The following HUWE1 variants were observed in gnomAD, a reference collection of about 807,000 sequenced individuals.
The protein encoded by HUWE1 is E3 ubiquitin-protein ligase HUWE1.
In HUWE1, 18 loss-of-function variants were observed where a neutral mutation model predicts 299.4. The observed-to-expected ratio is 0.06, with a 90% CI of 0.04 to 0.09. The LOEUF (loss-of-function observed/expected upper bound fraction) is 0.09, where lower values mean the gene tolerates loss of function less well. Ranked by LOEUF, HUWE1 falls within the 10% of genes least tolerant of loss-of-function variation. The pLI, the probability that HUWE1 is intolerant of heterozygous loss-of-function variation, is 1.00. For synonymous variants in HUWE1, 1,317 were observed against 1,286.1 expected, an observed-to-expected ratio of 1.02 and a Z score of -0.51; for missense variants, 1,832 against 3,462.3, an observed-to-expected ratio of 0.53 and a Z score of 11.82.
intron 4 of HUWE1, among the ~76,000 whole-genome samples, chrX:53,651,418 A>AC (rs782252548): frequency 1.3e-3 from 148 of 110,874 alleles, no homozygotes; most frequent in African/African-American, 4.4e-3. Flanking sequence ...TGATTCTAGG[A>AC]CCCCCATGAA....
intron 7 of HUWE1, among the ~76,000 whole-genome samples, chrX:53,640,562 C>G (rs1175034200): frequency 8.9e-6 from 1 of 111,740 alleles, no homozygotes; most frequent in Non-Finnish European, 1.9e-5. Flanking sequence ...ACACATCAAT[C>G]TATTACCAAA....
Position 53,551,289 on chromosome X carries a change from G to A in HUWE1, c.9073C>T (p.Leu3025=), listed in dbSNP as rs782677006. Residue 3025 remains leucine, a synonymous_variant, in exon 64 of 84, where the codon CTG becomes TTG. Transcript: ENST00000262854. The part of the protein sequence containing the change: ...TEVSPEFLAA[L]PPAIQEEVLA... The stretch of plus-strand genomic sequence containing the variant: ...ACTTCCTCCTGAATGGCTGGAGGCA[G>A]GGCAGCCAGAAACTCAGGGCTCACT... The A allele has an allele frequency of 8.3e-6, 10 of 1,210,792 alleles. No individual in the cohort carries two copies. The Admixed American group carries it at 8.7e-5, about 11-fold the overall frequency.
chrX:53,539,131 A>G (rs1221308116), intron 75 of HUWE1, 51 bp from the exon 76 acceptor site: 4 of 1,130,804 alleles, frequency 3.5e-6, no homozygotes, highest in African/African-American at 1.8e-5. Context: ...AAACTTCAAC[A>G]TGCAAACCTC....
chrX:53,590,362 T>C (rs1556977669), intron 35 of HUWE1, 42 bp downstream of exon 35: 1 of 848,953 alleles, frequency 1.2e-6, no homozygotes, highest in South Asian at 2.0e-5. Flanking sequence ...AATACTAAGA[T>C]TCATGTGCCA....
intron 49 of HUWE1, among the ~76,000 whole-genome samples, chrX:53,567,211 A>G (rs782817236): frequency 1.7e-4 from 19 of 111,985 alleles, no homozygotes; most frequent in Non-Finnish European, 3.2e-4. Context: ...AAAGGACAGG[A>G]AGGGAAGAAA....
chrX:53,674,124 T>G, intron 3 of HUWE1, among the ~76,000 whole-genome samples: 1 of 111,883 alleles, frequency 8.9e-6, no homozygotes, highest in Non-Finnish European at 1.9e-5. Context: ...TTATTTAAAT[T>G]TGCATTTCTG....
intron 4 of HUWE1, among the ~76,000 whole-genome samples, chrX:53,652,849 G>T (rs888932936): frequency 1.8e-5 from 2 of 112,580 alleles, no homozygotes; most frequent in Non-Finnish European, 3.7e-5. Flanking sequence ...ACTGACAAGG[G>T]TATATGAAGA....
Position 53,686,703 on chromosome X carries a change from C to CCTGCTCCCT in HUWE1, c.-378_-377insAGGGAGCAG. ...CCAGCCCTGCTCCAGCCCTGCTCCC[C>CCTGCTCCCT]TCGCTAGCCCTCAGTCGAAAGCCTC... is the stretch of plus-strand genomic sequence containing the variant. On this transcript the variant is annotated 5_prime_UTR_variant, in exon 1 of 84. Transcript: ENST00000262854. 1 of 73,035 alleles carries CCTGCTCCCT rather than the reference C, an allele frequency of 1.4e-5. No individual in the cohort carries two copies. The highest frequency in any genetic ancestry group is 3.4e-5 in the Non-Finnish European group (1 of 29,845). The allele number at this position is 73,035 out of a possible 1,213,427, so 6.0% of individuals were successfully genotyped here.
intron 42 of HUWE1, among the ~76,000 whole-genome samples, chrX:53,583,023 T>C (rs2063696966): frequency 8.9e-6 from 1 of 112,502 alleles, no homozygotes; most frequent in South Asian, 3.6e-4. Flanking sequence ...TACGTTGCTA[T>C]TTCTTCCACT....
At chrX:53,615,095 C>T (rs142702818) in intron 22 of HUWE1, among the ~76,000 whole-genome samples, 1,104 of 108,735 alleles carry the variant, frequency 0.01, 23 homozygotes, top group African/African-American at 0.036. Context: ...GGGGCAGCCA[C>T]AGGGATCAAC....
rs1296487294 is a variant in HUWE1, at chrX:53,643,657, A to C, written c.504+1654T>G. Reference sequence around the variant, plus strand: ...GTGAGCCACCACGCCTGGCCTCACCAATCATTTTCTAATTGGTTGCTATTA... The same window carrying C: ...GTGAGCCACCACGCCTGGCCTCACCCATCATTTTCTAATTGGTTGCTATTA... On this transcript the variant is annotated intron_variant, in intron 7 of 83. Transcript: ENST00000262854. 3.6e-5 allele frequency among the ~76,000 whole-genome samples: 4 copies of C among 110,871 alleles called. No homozygotes were observed. In the South Asian group the frequency reaches 1.5e-3, roughly 42 times the overall value.
intron 67 of HUWE1, among the ~76,000 whole-genome samples, chrX:53,548,477 C>G (rs1423831047): frequency 8.9e-6 from 1 of 112,718 alleles, no homozygotes; most frequent in Non-Finnish European, 1.9e-5. Flanking sequence ...TACAGACTCA[C>G]GAGCAAACTT....
At chrX:53,585,665 TA>T (rs1435809366) in intron 39 of HUWE1, among the ~76,000 whole-genome samples, 2 of 112,093 alleles carry the variant, frequency 1.8e-5, no homozygotes, top group Non-Finnish European at 3.8e-5. Context: ...ATGAGCCAAA[TA>T]AACTTGTACA....
At chrX:53,610,870 T>G (rs1459987179) in intron 23 of HUWE1, among the ~76,000 whole-genome samples, 1 of 111,534 alleles carries the variant, frequency 9.0e-6, no homozygotes, top group Non-Finnish European at 1.9e-5. Flanking sequence ...GGTGGTAAGC[T>G]AGGCACACTA....
intron 3 of HUWE1, among the ~76,000 whole-genome samples, chrX:53,673,003 G>A (rs782139048): frequency 9.0e-6 from 1 of 111,643 alleles, no homozygotes; most frequent in East Asian, 2.8e-4. Flanking sequence ...ACAAATTCAG[G>A]AAAACGTTTT....
At chrX:53,588,889 A>T (rs782467969) in intron 36 of HUWE1, among the ~76,000 whole-genome samples, 1 of 112,409 alleles carries the variant, frequency 8.9e-6, no homozygotes, top group South Asian at 3.7e-4. Context: ...TCTCAGAATT[A>T]TTGTTAAAAA....
chrX:53,683,926 T>G, intron 2 of HUWE1: 1 of 253,639 alleles, frequency 3.9e-6, no homozygotes, highest in Non-Finnish European at 6.9e-6. Flanking sequence ...CCCGCGAGAA[T>G]TCTCCGGCTT....
chrX:53,676,093 A>G (rs1282336265), intron 3 of HUWE1, among the ~76,000 whole-genome samples: 5 of 111,570 alleles, frequency 4.5e-5, no homozygotes, highest in Non-Finnish European at 7.5e-5. Flanking sequence ...TGATGATCCC[A>G]CACAGACCTA....
intron 28 of HUWE1, among the ~76,000 whole-genome samples, chrX:53,601,835 A>AT (rs2064869457): frequency 9.2e-6 from 1 of 108,772 alleles, no homozygotes; most frequent in Non-Finnish European, 1.9e-5. Flanking sequence ...CGCCCGGCTA[A>AT]TTTTTTGTGT....
Sources: allele counts gnomAD v4.1 joint callset (sites outside exome capture counted in the v4.1 genomes callset), GRCh38; gene constraint gnomAD v4.1.1; transcripts MANE v1.5; gene names NCBI Gene and HGNC (gene_info 2026-07-23, HGNC 2026-07-21).